Variants in STK39 observed in about 807,000 individuals in gnomAD.
STK39 encodes the protein STE20/SPS1-related proline-alanine-rich protein kinase.
Under a neutral mutation model 77.8 loss-of-function variants are expected in STK39, and 20 were observed. The ratio of observed to expected loss-of-function variants is 0.26; its 90% CI spans 0.18 to 0.37. STK39 has a LOEUF of 0.37. Among genes scored for constraint, STK39 ranks in the 10% least tolerant of loss-of-function variants. STK39 has a pLI of 1.00. For synonymous variants in STK39, 246 were observed against 234.1 expected (o/e 1.05, Z -0.47); for missense variants, 479 against 656.5 (o/e 0.73, Z 2.95).
intron 16 of STK39, among the ~76,000 whole-genome samples, chr2:167,974,302 T>C (rs1054740546): frequency 1.3e-5 from 2 of 152,156 alleles, no homozygotes; most frequent in Non-Finnish European, 2.9e-5. Flanking sequence ...TATTTCATAA[T>C]ACCAAGTGTT....
At chr2:168,023,678 G>C (rs1397295246) in intron 14 of STK39, among the ~76,000 whole-genome samples, 1 of 152,144 alleles carries the variant, frequency 6.6e-6, no homozygotes, top group African/African-American at 2.4e-5. Flanking sequence ...ACCCAGATGT[G>C]ATTAAAGCGG....
At chr2:168,155,475 C>T (rs144073615) in intron 5 of STK39, among the ~76,000 whole-genome samples, 1 of 152,288 alleles carries the variant, frequency 6.6e-6, no homozygotes, top group African/African-American at 2.4e-5. Flanking sequence ...AGAATTTTGT[C>T]GTAATTCATC....
At chr2:167,971,494 G>C (rs1234103598) in intron 16 of STK39, among the ~76,000 whole-genome samples, 1 of 152,062 alleles carries the variant, frequency 6.6e-6, no homozygotes, top group Non-Finnish European at 1.5e-5. Context: ...AGTTAATCAA[G>C]GGAACCCAAG....
intron 1 of STK39, among the ~76,000 whole-genome samples, chr2:168,184,755 T>C (rs943222586): frequency 1.4e-4 from 21 of 152,286 alleles, no homozygotes; most frequent in African/African-American, 4.8e-4. Context: ...AGCATCAGAA[T>C]GTAATAAGGG....
intron 10 of STK39, among the ~76,000 whole-genome samples, chr2:168,079,387 T>C (rs538061893): frequency 6.6e-6 from 1 of 152,332 alleles, no homozygotes; most frequent in Admixed American, 6.5e-5. Flanking sequence ...CCATGTCCCC[T>C]GGCCAGATGA....
chr2:168,244,068 T>C (rs530330451), intron 1 of STK39, among the ~76,000 whole-genome samples: 1 of 152,310 alleles, frequency 6.6e-6, no homozygotes, highest in East Asian at 1.9e-4. Context: ...ATTTCCAACA[T>C]TTTTAACCCC....
intron 1 of STK39, among the ~76,000 whole-genome samples, chr2:168,242,558 AAAATATATAT>A (rs1690789129): frequency 1.6e-5 from 1 of 63,602 alleles, no homozygotes; most frequent in African/African-American, 7.6e-5. Flanking sequence ...AAAAAAAAAA[AAAATATATAT>A]ATATATATAT....
At chr2:168,121,010 T>C (rs1237151466) in intron 10 of STK39, among the ~76,000 whole-genome samples, 2 of 152,188 alleles carry the variant, frequency 1.3e-5, no homozygotes, top group Non-Finnish European at 2.9e-5. Context: ...ACAGACATCC[T>C]CCTCACACAA....
rs149830911 is a variant in STK39 at position 168,103,571 on chromosome 2, C to T, written c.1089+25970G>A. ...TGGGGAAAGAGAAAGATAGTTAGGG[C>T]CCAGCAGGATAAAGGAAGAAAGCAA... On this transcript the variant is annotated intron_variant, in intron 10 of 17. Coordinates refer to ENST00000355999, the MANE Select transcript of STK39 (RefSeq NM_013233.3). Among the ~76,000 whole-genome samples, 306 of 152,236 alleles carry T rather than the reference C, an allele frequency of 2.0e-3. 3 individuals carry two copies. Among genetic ancestry groups the T allele is most frequent in the African/African-American group, 7.2e-3 (298 of 41,542 alleles).
At position 168,149,686 on chromosome 2, in the gene STK39, G is replaced by A. The variant is rs943054321; in HGVS notation, c.629-8928C>T. Among the ~76,000 whole-genome samples, 6 of 151,646 alleles carry A rather than the reference G, an allele frequency of 4.0e-5. No individual in the cohort carries two copies. The East Asian group carries it at 1.2e-3, about 29-fold the overall frequency. ...TCACTGCAATCCCCAAAAGGACTTG[G>A]TAAAAAATTAGCAAGAAAACCGTTT... On this transcript the variant is annotated intron_variant, in intron 5 of 17. Transcript: ENST00000355999.
intron 14 of STK39, among the ~76,000 whole-genome samples, chr2:168,051,279 G>C (rs1343314653): frequency 6.6e-6 from 1 of 152,146 alleles, no homozygotes; most frequent in Non-Finnish European, 1.5e-5. Flanking sequence ...AAAAGGATGA[G>C]GGAGACAGGC....
At chr2:168,020,711 AC>A (rs1684549192) in intron 14 of STK39, among the ~76,000 whole-genome samples, 1 of 151,408 alleles carries the variant, frequency 6.6e-6, no homozygotes, top group Non-Finnish European at 1.5e-5. Flanking sequence ...CCAATAATTA[AC>A]CTTTGAGATA....
chr2:168,096,752 A>G (rs1199529193), intron 10 of STK39, among the ~76,000 whole-genome samples: 1 of 152,226 alleles, frequency 6.6e-6, no homozygotes, highest in East Asian at 1.9e-4. Flanking sequence ...ATACAGGAAG[A>G]AAAATGTAGC....
chr2:168,018,364 G>A (rs569875606), intron 14 of STK39, among the ~76,000 whole-genome samples: 3 of 152,072 alleles, frequency 2.0e-5, no homozygotes, highest in African/African-American at 7.2e-5. Flanking sequence ...CCCGGGAGTG[G>A]TGGCCCATCC....
rs191056104 is a variant in STK39 at position 168,138,138 on chromosome 2, C to T, written c.924G>A (p.Lys308=). ...EDKEMMKKYG[K]SFRKLLSLCL... is the part of the protein sequence containing the mutation. ...ACAGTGAAAGTAATTTTCTAAAGGA[C>T]TTGCCGTACTTTTTCATCATTTCTT... The change falls in exon 8 of 18, where the codon AAG becomes AAA. Residue 308 remains lysine, a synonymous_variant. Transcript: ENST00000355999. The T allele has an allele frequency of 3.7e-4, 592 of 1,614,016 alleles. 5 individuals are homozygous for T. In the African/African-American group the frequency reaches 6.9e-3, roughly 19 times the overall value.
chr2:167,972,172 G>C (rs1378867278), intron 16 of STK39, among the ~76,000 whole-genome samples: 1 of 152,210 alleles, frequency 6.6e-6, no homozygotes, highest in Non-Finnish European at 1.5e-5. Context: ...TGGCAAAAGG[G>C]TAAGAATTTC....
At chr2:168,022,909 G>T (rs190282850) in intron 14 of STK39, among the ~76,000 whole-genome samples, 1 of 152,158 alleles carries the variant, frequency 6.6e-6, no homozygotes, top group Non-Finnish European at 1.5e-5. Context: ...ACTGAAATTC[G>T]TTTTTTTCAT....
intron 1 of STK39, among the ~76,000 whole-genome samples, chr2:168,193,152 C>T (rs932429513): frequency 2.0e-5 from 3 of 152,204 alleles, no homozygotes; most frequent in African/African-American, 7.2e-5. Flanking sequence ...AATCCATTCA[C>T]TTTAATGCCA....
intron 1 of STK39, among the ~76,000 whole-genome samples, chr2:168,237,311 C>T (rs1195725862): frequency 6.6e-6 from 1 of 152,194 alleles, no homozygotes; most frequent in Non-Finnish European, 1.5e-5. Context: ...TGAGACTTTG[C>T]TGAAGTTGCC....
Sources: gnomAD v4.1 joint callset for allele counts (sites outside exome capture counted in the v4.1 genomes callset) on GRCh38, gnomAD v4.1.1 for gene constraint, MANE v1.5 for transcripts, NCBI Gene and HGNC (gene_info 2026-07-23, HGNC 2026-07-21) for gene names.